The following AXDND1 variants were observed in gnomAD, a reference collection of about 807,000 sequenced individuals.
The protein encoded by AXDND1 is axonemal dynein light chain domain containing 1, also known as axonemal dynein light chain domain-containing protein 1.
AXDND1 carries 110 observed loss-of-function variants against 137.5 expected under a neutral mutation model. The ratio of observed to expected loss-of-function variants is 0.80; its 90% CI spans 0.69 to 0.94. The LOEUF (loss-of-function observed/expected upper bound fraction) is 0.94. Ranked by LOEUF, AXDND1 falls within the 40% of genes least tolerant of loss-of-function variation. The probability of loss-of-function intolerance (pLI) is 0.00; values close to 1 mark genes in which losing one functional copy is unlikely to be tolerated. For missense variants in AXDND1, 1,191 were observed against 1,169.8 expected (o/e 1.02, Z -0.26); for synonymous variants, 414 against 399.7 (o/e 1.04, Z -0.43).
chr1:179,429,557 T>C lies in AXDND1; in HGVS notation c.1270T>C (p.Tyr424His). The stretch of plus-strand genomic sequence containing the variant: ...TAGAGTCATATTGGCTAGAAGACTT[T>C]ACCTTAATGAAAAAGGCTGGAATAA... Reference protein sequence around the residue: ...RNRVILARRLYLNEKGWNKYT... With the variant: ...RNRVILARRLHLNEKGWNKYT... The change falls in exon 13 of 26, where the codon TAC becomes CAC. Residue 424 changes from tyrosine (Y) to histidine (H), a missense_variant. Transcript: ENST00000367618. 1.9e-6 allele frequency: 3 copies of C among 1,577,748 alleles called. No individual in the cohort carries two copies.
chr1:179,448,728 G>A (rs1472431994), intron 16 of AXDND1: 1 of 166,826 alleles, frequency 6.0e-6, no homozygotes. Flanking sequence ...TTTCAATGAA[G>A]TCCATCCAAC....
Position 179,383,571 on chromosome 1 carries a change from G to T in AXDND1, c.741+27G>T, listed in dbSNP as rs142825659. ...TAATTGCAAAGCCGAATGCAACCTGGTGGCTAAGAGCATGCACTCAGGAGG... is the reference window on the plus strand; with the variant it reads ...TAATTGCAAAGCCGAATGCAACCTGTTGGCTAAGAGCATGCACTCAGGAGG... On this transcript the variant is annotated intron_variant, in intron 8 of 25. Transcript: ENST00000367618. The T allele has an allele frequency of 1.2e-4, 194 of 1,561,932 alleles. No individual in the cohort carries two copies. The African/African-American group carries it at 2.5e-3, about 20-fold the overall frequency.
intron 17 of AXDND1, among the ~76,000 whole-genome samples, chr1:179,475,440 T>C (rs4651036): frequency 0.2 from 30,091 of 152,268 alleles, 3,143 homozygotes; most frequent in Non-Finnish European, 0.23. Context: ...TGCATTAGCA[T>C]GACCTGGATG....
intron 17 of AXDND1, among the ~76,000 whole-genome samples, chr1:179,472,904 A>G (rs1476482277): frequency 6.6e-6 from 1 of 152,086 alleles, no homozygotes; most frequent in Non-Finnish European, 1.5e-5. Context: ...TTGAATCTCA[A>G]GTGTGTCTTC....
chr1:179,537,766 G>T (rs1223342526), intron 25 of AXDND1, among the ~76,000 whole-genome samples: 1 of 152,124 alleles, frequency 6.6e-6, no homozygotes, highest in Non-Finnish European at 1.5e-5. Context: ...CAGAAGGAAT[G>T]GTACCTGCTC....
At chr1:179,380,280 T>TA (rs1355880610) in intron 6 of AXDND1, among the ~76,000 whole-genome samples, 1 of 147,860 alleles carries the variant, frequency 6.8e-6, no homozygotes, top group African/African-American at 2.5e-5. Context: ...AAGAAAAAGA[T>TA]ACAAATTAAA....
intron 13 of AXDND1, 44 bp from the exon 14 acceptor site, chr1:179,430,408 A>C (rs1484751873): frequency 1.4e-6 from 2 of 1,423,874 alleles, no homozygotes; most frequent in Non-Finnish European, 1.9e-6. Flanking sequence ...TATTTGTTAT[A>C]TACATAAATG....
intron 25 of AXDND1, among the ~76,000 whole-genome samples, chr1:179,537,739 A>G (rs1260603704): frequency 6.6e-6 from 1 of 151,812 alleles, no homozygotes; most frequent in South Asian, 2.1e-4. Context: ...CCTTTTTTTT[A>G]TTAATCAGAA....
At chr1:179,551,251 C>CTGA (rs766715939) in intron 25 of AXDND1, 17 of 1,613,946 alleles carry the variant, frequency 1.1e-5, no homozygotes, top group Non-Finnish European at 1.4e-5. Flanking sequence ...GGAGGCTTCC[C>CTGA]TGAGTTCTGT....
At chr1:179,499,014 C>A (rs1590780) in intron 20 of AXDND1, among the ~76,000 whole-genome samples, 133,613 of 152,184 alleles carry the variant, frequency 0.88, 58,869 homozygotes, top group East Asian at 0.96. Context: ...CGTGGAAAGC[C>A]GTCTGGAGAT....
chr1:179,389,621 G>C (rs1453300617), intron 9 of AXDND1, among the ~76,000 whole-genome samples: 1 of 152,142 alleles, frequency 6.6e-6, no homozygotes, highest in Non-Finnish European at 1.5e-5. Context: ...CCTTGGGTTT[G>C]CTTACTGCTT....
At chr1:179,495,074 A>G (rs1178036786) in intron 20 of AXDND1, among the ~76,000 whole-genome samples, 2 of 152,136 alleles carry the variant, frequency 1.3e-5, no homozygotes, top group Admixed American at 6.6e-5. Flanking sequence ...ATTTGTCAAC[A>G]TTGTCACCGT....
intron 25 of AXDND1, among the ~76,000 whole-genome samples, chr1:179,549,307 T>C (rs1211755001): frequency 6.6e-6 from 1 of 152,206 alleles, no homozygotes; most frequent in African/African-American, 2.4e-5. Flanking sequence ...CACAGTTTTA[T>C]AGCAACTTAT....
chr1:179,472,482 A>C (rs958936413), intron 17 of AXDND1, among the ~76,000 whole-genome samples: 2 of 152,186 alleles, frequency 1.3e-5, no homozygotes, highest in African/African-American at 4.8e-5. Context: ...TTTTTATTGG[A>C]GAAAGTGTTC....
chr1:179,438,985 G>T (rs34163268), intron 15 of AXDND1, among the ~76,000 whole-genome samples: 1 of 151,996 alleles, frequency 6.6e-6, no homozygotes, highest in African/African-American at 2.4e-5. Flanking sequence ...CAATCTGGGC[G>T]GCAGACTGGG....
At chr1:179,533,728 C>A in intron 23 of AXDND1, 67 bp from the exon 24 acceptor site, 1 of 1,241,652 alleles carries the variant, frequency 8.1e-7, no homozygotes, top group Non-Finnish European at 1.2e-6. Flanking sequence ...TCCAGAACAT[C>A]CTAAAAAAGT....
In AXDND1 at chr1:179,459,914, TTC is replaced by T. The variant is rs1038377107; in HGVS notation, c.1799-8523_1799-8522del. Among the ~76,000 whole-genome samples the T allele has an allele frequency of 1.2e-4, 17 of 140,684 alleles. No homozygotes were observed. The South Asian group carries it at 2.4e-3, about 20-fold the overall frequency. The allele number at this position is 140,684 out of a possible 152,430, so 92.3% of individuals were successfully genotyped here. ...CTTTTCTTTCTTTCATTCCTTTTCTTTCTCTCTTTCCTTCCTTCCTTCTCTCT... is the reference window on the plus strand; with the variant it reads ...CTTTTCTTTCTTTCATTCCTTTTCTTTCTCTTTCCTTCCTTCCTTCTCTCT... On this transcript the variant is annotated intron_variant, in intron 16 of 25. Coordinates refer to ENST00000367618, the MANE Select transcript of AXDND1 (RefSeq NM_144696.6).
At position 179,368,957 on chromosome 1, in the gene AXDND1, A is replaced by T; in HGVS notation, c.255A>T (p.Lys85Asn). The T allele has an allele frequency of 3.1e-6, 5 of 1,611,944 alleles. No individual in the cohort carries two copies. The highest frequency in any genetic ancestry group is 4.2e-6 in the Non-Finnish European group (5 of 1,178,972). ...CTGAAAACTTACTACCTCCTAAGAA[A>T]ATTAAAACCCCAAAGGTTTGTATGT... ...PCPENLLPPKKIKTPKGTLPR... is the reference protein window; with the variant it reads ...PCPENLLPPKNIKTPKGTLPR... Residue 85 changes from lysine (K) to asparagine (N), a missense_variant, in exon 3 of 26, where the codon AAA (lysine) becomes AAT (asparagine). Transcript: ENST00000367618.
At chr1:179,402,002 T>C (rs1261169685) in intron 11 of AXDND1, among the ~76,000 whole-genome samples, 2 of 152,024 alleles carry the variant, frequency 1.3e-5, no homozygotes, top group African/African-American at 4.8e-5. Context: ...TGAAACCCCA[T>C]CTCTACTAAA....
Sources: gnomAD v4.1 joint callset for allele counts (sites outside exome capture counted in the v4.1 genomes callset) on GRCh38, gnomAD v4.1.1 for gene constraint, MANE v1.5 for transcripts, NCBI Gene and HGNC (gene_info 2026-07-23, HGNC 2026-07-21) for gene names.